PIGR: variants seen among roughly 807,000 people sequenced by gnomAD.
The protein encoded by PIGR is hepatocellular carcinoma associated protein TB6.
PIGR carries 22 observed loss-of-function variants against 69.5 expected under a neutral mutation model. That is an observed-to-expected ratio of 0.32 (90% CI 0.23 to 0.45). PIGR has a LOEUF of 0.45. Ranked by LOEUF, PIGR falls within the 20% of genes least tolerant of loss-of-function variation. The probability of loss-of-function intolerance (pLI) is 1.00; values close to 1 mark genes in which losing one functional copy is unlikely to be tolerated. For synonymous variants in PIGR, 413 were observed against 407.6 expected (o/e 1.01, Z -0.16); for missense variants, 885 against 974.0 (o/e 0.91, Z 1.22).
chr1:206,936,892 A>G (rs1679871106), intron 4 of PIGR, among the ~76,000 whole-genome samples: 1 of 152,196 alleles, frequency 6.6e-6, no homozygotes, highest in African/African-American at 2.4e-5. Flanking sequence ...ACAGAAGAGT[A>G]ATTAGGAGCT....
At chr1:206,933,505 A>G (rs1679803253) in intron 6 of PIGR, among the ~76,000 whole-genome samples, 1 of 152,152 alleles carries the variant, frequency 6.6e-6, no homozygotes, top group Non-Finnish European at 1.5e-5. Flanking sequence ...CCAGCTGGGT[A>G]TGATAGTGCT....
chr1:206,938,807 G>T (rs1572646565), intron 3 of PIGR, among the ~76,000 whole-genome samples: 1 of 152,286 alleles, frequency 6.6e-6, no homozygotes, highest in Non-Finnish European at 1.5e-5. Flanking sequence ...TTAGCCTGAT[G>T]TCAGATTTCC....
Position 206,937,078 on chromosome 1 carries a change from C to A in PIGR, c.1045+17G>T. 1 of 1,550,752 alleles carries A rather than the reference C, an allele frequency of 6.4e-7. No individual in the cohort carries two copies. ...GAGACTGCCCCACCTACTCCCCCTCCCTCTCTAGGGTCTTACCCTCATTGA... is the reference window on the plus strand; with the variant it reads ...GAGACTGCCCCACCTACTCCCCCTCACTCTCTAGGGTCTTACCCTCATTGA... On this transcript the variant is annotated intron_variant, in intron 4 of 10. Coordinates refer to ENST00000356495, the MANE Select transcript of PIGR (RefSeq NM_002644.4).
intron 2 of PIGR, among the ~76,000 whole-genome samples, chr1:206,940,073 C>T (rs938590350): frequency 2.6e-5 from 4 of 152,222 alleles, no homozygotes; most frequent in Non-Finnish European, 5.9e-5. Flanking sequence ...CATGTTTGCA[C>T]TTGCCATGTG....
chr1:206,935,703 C>T lies in PIGR; in HGVS notation c.1161G>A (p.Trp387Ter). ...ESKSIKYWCL[W>*]EGAQNGRCPL... ...GGCAGCGGCCATTCTGGGCCCCTTCCCAGAGACACCAGTACTTGATGCTTT... is the reference window on the plus strand; with the variant it reads ...GGCAGCGGCCATTCTGGGCCCCTTCTCAGAGACACCAGTACTTGATGCTTT... The change falls in exon 5 of 11, where the codon TGG (tryptophan) becomes TGA (stop). Residue 387 changes from tryptophan (W) to a stop codon, truncating the protein, a stop_gained. Coordinates refer to ENST00000356495, the MANE Select transcript of PIGR (RefSeq NM_002644.4). LOFTEE classifies it high-confidence loss of function. This position sits in a 1 kb window ranked among gnomAD's most constrained non-coding sequence, Gnocchi z 4.4. The T allele has an allele frequency of 6.2e-7, 1 of 1,614,074 alleles. No homozygotes were observed. The highest frequency in any genetic ancestry group is 8.5e-7 in the Non-Finnish European group (1 of 1,180,014).
intron 6 of PIGR, among the ~76,000 whole-genome samples, chr1:206,933,753 G>A (rs1235167284): frequency 6.6e-6 from 1 of 152,194 alleles, no homozygotes; most frequent in Non-Finnish European, 1.5e-5. Flanking sequence ...CAGGGGGAAG[G>A]GGGATGAACA....
intron 8 of PIGR, 31 bp from the exon 9 acceptor site, chr1:206,931,833 G>T: frequency 6.2e-7 from 1 of 1,613,472 alleles, no homozygotes. Context: ...TTGGTGTAAG[G>T]ACAGGGGCTG....
intron 2 of PIGR, 102 bp from the exon 3 acceptor site, chr1:206,939,565 G>A (rs2102602305): frequency 8.5e-6 from 6 of 704,660 alleles, no homozygotes; most frequent in Non-Finnish European, 1.5e-5. Context: ...TGACACGTAG[G>A]CCCTGTGTTG....
chr1:206,937,750 A>T lies in PIGR; in HGVS notation c.390T>A (p.Gly130=). Residue 130 remains glycine (G), a splice_region_variant and synonymous_variant, in exon 4 of 11, where the codon GGT becomes GGA. Coordinates refer to ENST00000356495, the MANE Select transcript of PIGR (RefSeq NM_002644.4). ...CTTTAGTGTCATTTAGGAGCCCAGG[A>T]CCTGCAGGATGAGGGGTGCAAGGTA... ...SFDVSLEVSQ[G]PGLLNDTKVY... 1 of 1,613,548 alleles carries T rather than the reference A, an allele frequency of 6.2e-7. No homozygotes were observed. Among genetic ancestry groups the T allele is most frequent in the Non-Finnish European group, 8.5e-7 (1 of 1,179,754 alleles).
chr1:206,940,468 G>T, intron 2 of PIGR, 21 bp downstream of exon 2: 1 of 1,551,104 alleles, frequency 6.4e-7, no homozygotes, highest in Non-Finnish European at 8.7e-7. Context: ...AGCTTGGAGA[G>T]TTGGGGCCTG....
intron 1 of PIGR, among the ~76,000 whole-genome samples, chr1:206,942,913 A>G (rs747391151): frequency 5.9e-5 from 9 of 152,184 alleles, no homozygotes; most frequent in Non-Finnish European, 1.3e-4. Context: ...GCAGGAGAGG[A>G]TACCCCTGCT....
chr1:206,937,579 A>G lies in PIGR; in HGVS notation c.561T>C (p.Tyr187=), dbSNP rs147700023. The change falls in exon 4 of 11, where the codon TAT becomes TAC. Residue 187 remains tyrosine (Y), a synonymous_variant. Transcript: ENST00000356495. ...IDSSGYVNPN[Y]TGRIRLDIQG... The stretch of plus-strand genomic sequence containing the variant: ...GAATATCAAGGCGTATTCTTCCTGT[A>G]TAGTTGGGATTTACATAACCACTGG... The G allele has an allele frequency of 1.2e-6, 2 of 1,614,156 alleles. No homozygotes were observed. The highest frequency in any genetic ancestry group is 1.7e-6 in the Non-Finnish European group (2 of 1,180,008).
At chr1:206,939,637 C>T (rs1679941818) in intron 2 of PIGR, among the ~76,000 whole-genome samples, 174 bp from the exon 3 acceptor site, 1 of 152,174 alleles carries the variant, frequency 6.6e-6, no homozygotes, top group Admixed American at 6.5e-5. Context: ...CTGTTTTAAT[C>T]ATGATTAAAT....
Position 206,935,736 on chromosome 1 carries a change from C to T in PIGR, c.1128G>A (p.Lys376=). 1 of 1,614,140 alleles carries T rather than the reference C, an allele frequency of 6.2e-7. No homozygotes were observed. The highest frequency in any genetic ancestry group is 8.5e-7 in the Non-Finnish European group (1 of 1,179,986). The change falls in exon 5 of 11, where the codon AAG becomes AAA. Residue 376 remains lysine, a synonymous_variant. Coordinates refer to ENST00000356495, the MANE Select transcript of PIGR (RefSeq NM_002644.4). This position sits in a 1 kb window ranked among gnomAD's most constrained non-coding sequence, Gnocchi z 4.4. The stretch of plus-strand genomic sequence containing the variant: ...ACCAGTACTTGATGCTTTTGCTTTC[C>T]TTACGGTTGTAGGGGCAGAGCACGG... ...SVAVLCPYNR[K]ESKSIKYWCL...
At chr1:206,931,473 T>C in intron 10 of PIGR, 24 bp downstream of exon 10, 1 of 1,614,056 alleles carries the variant, frequency 6.2e-7, no homozygotes, top group South Asian at 1.1e-5. Context: ...TGTCATGTAG[T>C]GGGGCTTCCT....
At position 206,933,028 on chromosome 1, in the gene PIGR, C is replaced by T. The variant is rs374123945; in HGVS notation, c.1844G>A (p.Arg615Lys). ...TGCTCTGCTCCCATCGGCTTGATCT[C>T]TTGTATCTGCCACCGCCTTTTCCTC... ...FAEEKAVADTRDQADGSRASV... is the reference protein window; with the variant it reads ...FAEEKAVADTKDQADGSRASV... The change falls in exon 7 of 11, where the codon AGA becomes AAA. Residue 615 changes from arginine (R) to lysine (K), a missense_variant. Arg to Lys is a conservative substitution (Grantham distance 26). Coordinates refer to ENST00000356495, the MANE Select transcript of PIGR (RefSeq NM_002644.4). 1 of 1,614,220 alleles carries T rather than the reference C, an allele frequency of 6.2e-7. No individual in the cohort carries two copies. Among genetic ancestry groups the T allele is most frequent in the Non-Finnish European group, 8.5e-7 (1 of 1,180,054 alleles).
chr1:206,941,360 G>A (rs144700728), intron 1 of PIGR, among the ~76,000 whole-genome samples: 8 of 152,220 alleles, frequency 5.3e-5, no homozygotes, highest in East Asian at 1.9e-4. Flanking sequence ...CTACTGTATC[G>A]CACCCCAAAT....
chr1:206,930,297 G>A lies in PIGR; in HGVS notation c.*21C>T. On this transcript the variant is annotated 3_prime_UTR_variant, in exon 11 of 11. Coordinates refer to ENST00000356495, the MANE Select transcript of PIGR (RefSeq NM_002644.4). This position sits in a 1 kb window ranked among gnomAD's most constrained non-coding sequence, Gnocchi z 4.3. ...TCTGAAGGTGATTGTCATGGGTGCA[G>A]GGAGCAGGCGGCGACACCGTCTAGG... The A allele has an allele frequency of 1.2e-6, 2 of 1,601,254 alleles. No homozygotes were observed. The highest frequency in any genetic ancestry group is 1.7e-6 in the Non-Finnish European group (2 of 1,172,290).
intron 1 of PIGR, among the ~76,000 whole-genome samples, chr1:206,944,777 G>A (rs2102605527): frequency 6.6e-6 from 1 of 152,176 alleles, no homozygotes; most frequent in Middle Eastern, 3.4e-3. Flanking sequence ...TGGATAGTTT[G>A]CTTTTTAGGT....
Sources: gnomAD v4.1 joint callset for allele counts (sites outside exome capture counted in the v4.1 genomes callset) on GRCh38, gnomAD v4.1.1 for gene constraint, Gnocchi (gnomAD v3.1) non-coding constraint, MANE v1.5 for transcripts, NCBI Gene and HGNC (gene_info 2026-07-23, HGNC 2026-07-21) for gene names.